KIAA1217: variants seen among roughly 807,000 people sequenced by gnomAD.
The protein encoded by KIAA1217 is KIAA1217, also known as sickle tail protein homolog.
Under a neutral mutation model 163.9 loss-of-function variants are expected in KIAA1217, and 88 were observed. The observed-to-expected ratio is 0.54, with a 90% CI of 0.45 to 0.64. The LOEUF (loss-of-function observed/expected upper bound fraction) is 0.64, where lower values mean the gene tolerates loss of function less well. Among genes scored for constraint, KIAA1217 ranks in the 30% least tolerant of loss-of-function variants. KIAA1217 has a pLI of 0.00. For synonymous variants in KIAA1217, 903 were observed against 923.1 expected (o/e 0.98, Z 0.39); for missense variants, 2,372 against 2,475.0 (o/e 0.96, Z 0.88).
chr10:24,242,873 T>C (rs979237831), intron 2 of KIAA1217, among the ~76,000 whole-genome samples: 1 of 152,198 alleles, frequency 6.6e-6, no homozygotes, highest in South Asian at 2.1e-4. Flanking sequence ...TTTGTTGGCT[T>C]CTTGTATGTC....
chr10:24,166,257 G>A (rs181051213), intron 2 of KIAA1217, among the ~76,000 whole-genome samples: 141 of 151,922 alleles, frequency 9.3e-4, no homozygotes, highest in Admixed American at 2.5e-3. Flanking sequence ...CTGAGTGGGC[G>A]TACAACCTAG....
chr10:24,098,725 G>A (rs564382979), intron 2 of KIAA1217, among the ~76,000 whole-genome samples: 3 of 54,864 alleles, frequency 5.5e-5, no homozygotes, highest in African/African-American at 1.9e-4. Context: ...GAAGGGGAGC[G>A]TGTGTGTGTG....
At chr10:24,489,764 T>C (rs1416274420) in intron 6 of KIAA1217, among the ~76,000 whole-genome samples, 1 of 143,620 alleles carries the variant, frequency 7.0e-6, no homozygotes, top group Admixed American at 7.5e-5. Context: ...CTTGGGGGGC[T>C]GAGGTGAAAG....
chr10:24,411,501 T>C (rs969367068), intron 3 of KIAA1217, among the ~76,000 whole-genome samples: 1 of 152,224 alleles, frequency 6.6e-6, no homozygotes, highest in Non-Finnish European at 1.5e-5. Context: ...ATTGTGATTT[T>C]AAATGCATTT....
chr10:24,349,432 C>A (rs2048193583), intron 2 of KIAA1217, among the ~76,000 whole-genome samples: 2 of 152,192 alleles, frequency 1.3e-5, no homozygotes, highest in South Asian at 4.1e-4. Context: ...AGGCATCAGA[C>A]ACTGAAGTTA....
chr10:24,435,748 A>G (rs1330633754), intron 4 of KIAA1217, among the ~76,000 whole-genome samples: 1 of 152,226 alleles, frequency 6.6e-6, no homozygotes, highest in Non-Finnish European at 1.5e-5. Context: ...AGAAAAGGTC[A>G]TGATTCTCCT....
At position 24,062,987 on chromosome 10, in the gene KIAA1217, GT is replaced by G. The variant is rs943514640; in HGVS notation, c.-171+55623del. Among the ~76,000 whole-genome samples, 24 of 148,774 alleles carry G rather than the reference GT, an allele frequency of 1.6e-4. No homozygotes were observed. The East Asian group carries it at 2.2e-3, about 13-fold the overall frequency. On this transcript the variant is annotated intron_variant, in intron 2 of 18. Transcript: ENST00000376462. ...CCTTCGCCCACTTTTCGATGGGGTT[GT>G]TTTTTTTTTCTTGTAAGTTTGTTTG...
intron 2 of KIAA1217, among the ~76,000 whole-genome samples, chr10:24,033,088 A>T (rs1226782347): frequency 1.3e-5 from 2 of 152,332 alleles, no homozygotes; most frequent in African/African-American, 4.8e-5. Context: ...TGGCACTGAC[A>T]ATTTTATAAC....
At chr10:23,765,187 CTTTTT>C (rs67342339) in intron 1 of KIAA1217, among the ~76,000 whole-genome samples, 871 of 75,310 alleles carry the variant, frequency 0.012, 3 homozygotes, top group African/African-American at 0.045. Context: ...TTTTTGTTCT[CTTTTT>C]TTTTTTTTTT....
chr10:24,002,738 G>T (rs1217097497), intron 1 of KIAA1217, among the ~76,000 whole-genome samples: 1 of 152,014 alleles, frequency 6.6e-6, no homozygotes, highest in African/African-American at 2.4e-5. Flanking sequence ...CTGAGATTTT[G>T]GTGCACCTGT....
intron 2 of KIAA1217, among the ~76,000 whole-genome samples, chr10:24,031,263 T>C (rs2131537528): frequency 6.6e-6 from 1 of 152,322 alleles, no homozygotes; most frequent in Middle Eastern, 3.4e-3. Flanking sequence ...ATTGTGCTTT[T>C]GAGTTGCATT....
intron 1 of KIAA1217, among the ~76,000 whole-genome samples, chr10:23,965,118 C>A (rs536613182): frequency 6.6e-6 from 1 of 152,244 alleles, no homozygotes; most frequent in South Asian, 2.1e-4. Flanking sequence ...TGATTAGGAC[C>A]AACTGGAGAA....
intron 1 of KIAA1217, among the ~76,000 whole-genome samples, chr10:23,743,187 T>C (rs1401071427): frequency 6.6e-6 from 1 of 151,960 alleles, no homozygotes; most frequent in African/African-American, 2.4e-5. Context: ...AAAGTTGAAC[T>C]TAATACAAAA....
intron 3 of KIAA1217, among the ~76,000 whole-genome samples, chr10:24,409,097 T>C (rs1451067680): frequency 6.6e-6 from 1 of 152,232 alleles, no homozygotes. Flanking sequence ...ACAGTCTTAT[T>C]TGATCCTTGG....
intron 2 of KIAA1217, among the ~76,000 whole-genome samples, chr10:24,118,342 T>C (rs974036678): frequency 6.6e-6 from 1 of 151,846 alleles, no homozygotes; most frequent in Non-Finnish European, 1.5e-5. Context: ...GATGACAGAG[T>C]TCTCTGTAGC....
Position 24,545,924 on chromosome 10 carries a change from A to G in KIAA1217, c.5432A>G (p.Lys1811Arg). 1.9e-6 allele frequency: 3 copies of G among 1,614,140 alleles called. No individual in the cohort carries two copies. Among genetic ancestry groups the G allele is most frequent in the Non-Finnish European group, 2.5e-6 (3 of 1,180,022 alleles). The change falls in exon 21 of 21, where the codon AAA (lysine) becomes AGA (arginine). Residue 1811 changes from lysine (K) to arginine (R), a missense_variant. Lys to Arg is a conservative substitution (Grantham distance 26). This residue lies in a region of KIAA1217 where 690 missense variants were observed against 677.5 expected (regional missense o/e 1.02). Coordinates refer to ENST00000376454, the MANE Select transcript of KIAA1217 (RefSeq NM_019590.5). ...CCAGCCCTTTCTCCCAGCTCTGGGA[A>G]AAGCAGTTCTCTGCCCTCTTCTAGT... is the stretch of plus-strand genomic sequence containing the variant. Reference protein sequence around the residue: ...KIPALSPSSGKSSSLPSSSGD... With the variant: ...KIPALSPSSGRSSSLPSSSGD...
At chr10:23,774,721 G>C (rs1834937064) in intron 1 of KIAA1217, among the ~76,000 whole-genome samples, 1 of 152,120 alleles carries the variant, frequency 6.6e-6, no homozygotes. Flanking sequence ...GGAAGAAAAA[G>C]GTGCAGTCTG....
Position 24,433,028 on chromosome 10 carries a change from A to G in KIAA1217, c.587A>G (p.Lys196Arg). 3.1e-6 allele frequency: 5 copies of G among 1,614,122 alleles called. No individual in the cohort carries two copies. Among genetic ancestry groups the G allele is most frequent in the Non-Finnish European group, 4.2e-6 (5 of 1,179,994 alleles). ...VLYLQYGDET[K>R]QLRMPNEITS... ...TATCTCCAGTATGGAGATGAAACCAAGCAGCTCAGGATGCCGAATGAAATC... is the reference window on the plus strand; with the variant it reads ...TATCTCCAGTATGGAGATGAAACCAGGCAGCTCAGGATGCCGAATGAAATC... Residue 196 changes from lysine to arginine, a missense_variant, in exon 4 of 21, where the codon AAG (lysine) becomes AGG (arginine). Physicochemically the swap from Lys to Arg is conservative, Grantham distance 26. Around this residue, in one of 3 missense-constraint regions of KIAA1217, gnomAD observed 1,431 missense variants for 1,470.3 expected, o/e 0.97. Coordinates refer to ENST00000376454, the MANE Select transcript of KIAA1217 (RefSeq NM_019590.5).
chr10:24,407,303 C>T (rs1002060947), intron 3 of KIAA1217, among the ~76,000 whole-genome samples: 9 of 151,744 alleles, frequency 5.9e-5, no homozygotes, highest in South Asian at 2.1e-4. Context: ...TGTGCGTGCG[C>T]GTGCGCATGT....
Sources: allele counts gnomAD v4.1 joint callset (sites outside exome capture counted in the v4.1 genomes callset), GRCh38; gene constraint gnomAD v4.1.1; regional missense constraint gnomAD v4.1.1; transcripts MANE v1.5; gene names NCBI Gene and HGNC (gene_info 2026-07-23, HGNC 2026-07-21).